The following PLSCR2 variants were observed in gnomAD, a reference collection of about 807,000 sequenced individuals.
PLSCR2 encodes the protein PL scramblase 2.
Under a neutral mutation model 25.3 loss-of-function variants are expected in PLSCR2, and 18 were observed. The observed-to-expected ratio is 0.71, with a 90% confidence interval of 0.49 to 1.06. The LOEUF (loss-of-function observed/expected upper bound fraction) is 1.06. Ranked by LOEUF, PLSCR2 falls within the 50% of genes least tolerant of loss-of-function variation. The pLI, the probability that PLSCR2 is intolerant of heterozygous loss-of-function variation, is 0.00. For synonymous variants in PLSCR2, 88 were observed against 87.3 expected (o/e 1.01, Z -0.04); for missense variants, 243 against 269.5 (o/e 0.90, Z 0.69).
At chr3:146,400,386 A>G (rs1379727054) in intron 2 of PLSCR2, among the ~76,000 whole-genome samples, 1 of 151,458 alleles carries the variant, frequency 6.6e-6, no homozygotes, top group Non-Finnish European at 1.5e-5. Flanking sequence ...ACTATTTATA[A>G]TTGTATCTAG....
At chr3:146,477,960 C>T (rs1467848811) in intron 1 of PLSCR2, among the ~76,000 whole-genome samples, 1 of 152,202 alleles carries the variant, frequency 6.6e-6, no homozygotes, top group Admixed American at 6.5e-5. Context: ...AATACCCAGG[C>T]AAACAGCGTC....
chr3:146,459,371 C>T (rs11925897), intron 2 of PLSCR2, among the ~76,000 whole-genome samples: 6,243 of 152,154 alleles, frequency 0.041, 177 homozygotes, highest in Admixed American at 0.087. Context: ...AATTAAAAAG[C>T]GCAGAATCCA....
intron 3 of PLSCR2, among the ~76,000 whole-genome samples, chr3:146,456,627 G>A (rs1193416018): frequency 2.0e-5 from 3 of 152,046 alleles, no homozygotes; most frequent in African/African-American, 2.4e-5. Flanking sequence ...CTTGAAAAAT[G>A]GAGACAAAAC....
At chr3:146,477,600 G>A (rs528216334) in intron 1 of PLSCR2, among the ~76,000 whole-genome samples, 1 of 152,356 alleles carries the variant, frequency 6.6e-6, no homozygotes, top group Middle Eastern at 3.4e-3. Context: ...ACTGGACAGA[G>A]CCCACCACAG....
At chr3:146,432,117 G>A (rs1367715877), downstream of PLSCR2, among the ~76,000 whole-genome samples, 1 of 152,010 alleles carries the variant, frequency 6.6e-6, no homozygotes, top group Non-Finnish European at 1.5e-5. Context: ...TGTATATCAT[G>A]GTCTTCATCA....
At chr3:146,480,349 T>C (rs927601922) in intron 1 of PLSCR2, among the ~76,000 whole-genome samples, 4 of 151,372 alleles carry the variant, frequency 2.6e-5, no homozygotes, top group Non-Finnish European at 5.9e-5. Flanking sequence ...GCAAGACTAA[T>C]AAAGAAGAAA....
chr3:146,480,246 C>G (rs1450422747), intron 1 of PLSCR2, among the ~76,000 whole-genome samples: 3 of 152,072 alleles, frequency 2.0e-5, no homozygotes, highest in African/African-American at 4.8e-5. Flanking sequence ...CAGAGCAGAA[C>G]TGAAGGAGAT....
At chr3:146,415,057 G>T (rs1466927292) in intron 2 of PLSCR2, 1 of 152,514 alleles carries the variant, frequency 6.6e-6, no homozygotes, top group African/African-American at 2.4e-5. Context: ...ATTTATGGGG[G>T]TTGATCTAAC....
At chr3:146,463,811 C>T (rs554690596), upstream of PLSCR2, 257 of 942,108 alleles carry the variant, frequency 2.7e-4, 1 homozygote, top group African/African-American at 4.0e-3. Flanking sequence ...ATCTAGAATT[C>T]TCAAGAAGAA....
At chr3:146,398,408 T>G (rs890306597) in intron 2 of PLSCR2, among the ~76,000 whole-genome samples, 1 of 151,764 alleles carries the variant, frequency 6.6e-6, no homozygotes, top group South Asian at 2.1e-4. Flanking sequence ...TCTGTCAATA[T>G]TCTTTGAGAT....
intron 2 of PLSCR2, among the ~76,000 whole-genome samples, chr3:146,396,727 T>A (rs1460074926): frequency 6.6e-6 from 1 of 152,072 alleles, no homozygotes. Context: ...AGCAGAAAAT[T>A]AGTGAGACCA....
At chr3:146,469,529 G>C (rs1258556245) in intron 1 of PLSCR2, 3 of 985,262 alleles carry the variant, frequency 3.0e-6, no homozygotes, top group Admixed American at 6.1e-5. Context: ...AGCCCTGAGC[G>C]AGCCGAGGTC....
intron 1 of PLSCR2, among the ~76,000 whole-genome samples, chr3:146,490,131 A>C (rs1246717556): frequency 1.3e-5 from 2 of 152,114 alleles, no homozygotes; most frequent in Admixed American, 6.5e-5. Context: ...TGGACTTCTG[A>C]AACTGGAAAA....
downstream of PLSCR2, among the ~76,000 whole-genome samples, chr3:146,439,385 C>A (rs2040095297): frequency 6.6e-6 from 1 of 152,194 alleles, no homozygotes; most frequent in Admixed American, 6.5e-5. Flanking sequence ...AACTTGGTTC[C>A]ATTCTCCCCG....
At chr3:146,462,362 G>A (rs577372190), upstream of PLSCR2, among the ~76,000 whole-genome samples, 11 of 152,050 alleles carry the variant, frequency 7.2e-5, no homozygotes, top group Non-Finnish European at 2.9e-5. Context: ...AAAGTCTTGG[G>A]ATTACAGGCA....
intron 2 of PLSCR2, among the ~76,000 whole-genome samples, chr3:146,416,952 G>A (rs1176785369): frequency 6.6e-6 from 1 of 152,084 alleles, no homozygotes; most frequent in Non-Finnish European, 1.5e-5. Flanking sequence ...GAAATGGCTG[G>A]ATTTTACCTA....
chr3:146,408,845 C>T (rs1245097703), intron 2 of PLSCR2, among the ~76,000 whole-genome samples: 2 of 152,114 alleles, frequency 1.3e-5, no homozygotes, highest in Non-Finnish European at 2.9e-5. Context: ...TGGTGAAAAT[C>T]ATCTAAAGCT....
chr3:146,460,511 GA>G (rs942033898), upstream of PLSCR2, among the ~76,000 whole-genome samples: 1 of 151,190 alleles, frequency 6.6e-6, no homozygotes, highest in African/African-American at 2.4e-5. Context: ...GGCACCCTGT[GA>G]AAAATTTTAA....
intron 2 of PLSCR2, among the ~76,000 whole-genome samples, chr3:146,410,310 T>C (rs1467988412): frequency 3.3e-5 from 5 of 152,124 alleles, no homozygotes; most frequent in Non-Finnish European, 5.9e-5. Flanking sequence ...TACACAGTGT[T>C]CTATTTAAGG....
Sources: gnomAD v4.1 joint callset for allele counts (sites outside exome capture counted in the v4.1 genomes callset) on GRCh38, gnomAD v4.1.1 for gene constraint, MANE v1.5 for transcripts, NCBI Gene and HGNC (gene_info 2026-07-23, HGNC 2026-07-21) for gene names.